SLC71A1: variants seen among roughly 807,000 people sequenced by gnomAD.
SLC71A1 encodes hippocampus abundant gene transcript 1.
At chr1:100,038,176 C>T in the SLC71A1 span, 3 of 1,469,256 alleles carry the variant, frequency 2.0e-6, no homozygotes, top group Non-Finnish European at 2.8e-6. Context: ...GCACTAGCTG[C>T]TGGGGCCTGC....
At chr1:100,063,132 A>G in the SLC71A1 span, among the ~76,000 whole-genome samples, 2 of 152,032 alleles carry the variant, frequency 1.3e-5, no homozygotes, top group Admixed American at 6.6e-5. Flanking sequence ...CCATAACCCA[A>G]TTTGGGGTTG....
chr1:100,046,127 G>GT, the SLC71A1 span, among the ~76,000 whole-genome samples: 1 of 136,166 alleles, frequency 7.3e-6, no homozygotes, highest in East Asian at 2.4e-4. Context: ...CTATGTATCT[G>GT]TTTTTATACC....
chr1:100,074,616 C>G, the SLC71A1 span, among the ~76,000 whole-genome samples: 1 of 152,028 alleles, frequency 6.6e-6, no homozygotes, highest in South Asian at 2.1e-4. Flanking sequence ...TGGTGGCTCA[C>G]GCCTGAGATA....
At chr1:100,052,237 A>T in the SLC71A1 span, among the ~76,000 whole-genome samples, 1 of 152,118 alleles carries the variant, frequency 6.6e-6, no homozygotes, top group East Asian at 1.9e-4. Flanking sequence ...TCAAGTGTGT[A>T]TAGCTATTTT....
At chr1:100,061,334 G>A in the SLC71A1 span, among the ~76,000 whole-genome samples, 2 of 152,108 alleles carry the variant, frequency 1.3e-5, no homozygotes, top group Non-Finnish European at 2.9e-5. Context: ...TTTTTTGTGT[G>A]TAAAACTGAG....
the SLC71A1 span, among the ~76,000 whole-genome samples, chr1:100,052,700 G>A: frequency 3.4e-4 from 51 of 151,764 alleles, no homozygotes; most frequent in African/African-American, 1.2e-3. Context: ...AAAGTGCTGG[G>A]ATTACAGGTG....
At chr1:100,082,111 A>G in the SLC71A1 span, 1 of 1,614,184 alleles carries the variant, frequency 6.2e-7, no homozygotes, top group Middle Eastern at 1.7e-4. Context: ...CTTAAGGTCC[A>G]GCAGTTGGAG....
the SLC71A1 span, among the ~76,000 whole-genome samples, chr1:100,050,197 T>C: frequency 6.6e-6 from 1 of 151,948 alleles, no homozygotes; most frequent in African/African-American, 2.4e-5. Context: ...GGGGGTGGCG[T>C]GGAGGTGTTT....
At chr1:100,043,398 G>A in the SLC71A1 span, among the ~76,000 whole-genome samples, 1 of 152,012 alleles carries the variant, frequency 6.6e-6, no homozygotes, top group African/African-American at 2.4e-5. Flanking sequence ...AAAATTTCCA[G>A]TACTTTATAA....
At chr1:100,041,681 T>C in the SLC71A1 span, among the ~76,000 whole-genome samples, 21 of 152,332 alleles carry the variant, frequency 1.4e-4, no homozygotes, top group African/African-American at 4.8e-4. Context: ...CCCAGCACTT[T>C]GGGAGGCCAG....
chr1:100,052,994 G>T, the SLC71A1 span, among the ~76,000 whole-genome samples: 2 of 151,838 alleles, frequency 1.3e-5, no homozygotes, highest in African/African-American at 4.8e-5. Context: ...ACATTGGCCA[G>T]GCTGGTCTTG....
At chr1:100,052,161 G>A in the SLC71A1 span, among the ~76,000 whole-genome samples, 8 of 152,102 alleles carry the variant, frequency 5.3e-5, no homozygotes, top group Middle Eastern at 3.2e-3. Flanking sequence ...TCAAAATGTG[G>A]ATGAGCTGTT....
the SLC71A1 span, among the ~76,000 whole-genome samples, chr1:100,052,293 G>T: frequency 4.0e-5 from 6 of 151,524 alleles, no homozygotes; most frequent in African/African-American, 1.5e-4. Flanking sequence ...GTTATCTTTC[G>T]TGTTATTTTG....
At chr1:100,038,350 G>A in the SLC71A1 span, 1 of 1,540,056 alleles carries the variant, frequency 6.5e-7, no homozygotes, top group Non-Finnish European at 8.8e-7. Flanking sequence ...AGCGTCCCTC[G>A]GGGCCCCCAT....
the SLC71A1 span, chr1:100,062,111 G>A: frequency 1.6e-4 from 82 of 525,296 alleles, no homozygotes; most frequent in African/African-American, 1.2e-3. Flanking sequence ...ATTTTTTTGC[G>A]GTATGAGGCT....
the SLC71A1 span, chr1:100,068,448 T>C: frequency 6.9e-7 from 1 of 1,450,968 alleles, no homozygotes; most frequent in Non-Finnish European, 9.7e-7. Flanking sequence ...AAACCTTATA[T>C]CAATCAGTCT....
chr1:100,048,958 A>G, the SLC71A1 span, among the ~76,000 whole-genome samples: 4 of 152,164 alleles, frequency 2.6e-5, no homozygotes, highest in Admixed American at 2.6e-4. Context: ...GTTGTTCTTG[A>G]TTCTCCCTTC....
the SLC71A1 span, among the ~76,000 whole-genome samples, chr1:100,056,803 C>T: frequency 6.6e-6 from 1 of 152,136 alleles, no homozygotes; most frequent in Non-Finnish European, 1.5e-5. Context: ...TTTACATTCC[C>T]ACCAACAGTG....
chr1:100,040,749 C>T, the SLC71A1 span, among the ~76,000 whole-genome samples: 3 of 152,206 alleles, frequency 2.0e-5, no homozygotes, highest in Admixed American at 2.0e-4. Flanking sequence ...TGTGAGCCAC[C>T]GTGCCCAGAC....
Sources: gnomAD v4.1 joint callset for allele counts (sites outside exome capture counted in the v4.1 genomes callset) on GRCh38, gnomAD v4.1.1 for gene constraint, MANE v1.5 for transcripts, NCBI Gene and HGNC (gene_info 2026-07-23, HGNC 2026-07-21) for gene names.